Variants in DNAL1 observed in about 807,000 individuals in gnomAD.
DNAL1 encodes chromosome 14 open reading frame 168.
DNAL1 carries 17 observed loss-of-function variants against 29.4 expected under a neutral mutation model. The ratio of observed to expected loss-of-function variants is 0.58; its 90% CI spans 0.40 to 0.87. The LOEUF is 0.87. Ranked by LOEUF, DNAL1 falls within the 40% of genes least tolerant of loss-of-function variation. DNAL1 has a pLI of 0.00. For synonymous variants in DNAL1, 78 were observed against 76.3 expected (o/e 1.02, Z -0.12); for missense variants, 188 against 214.1 (o/e 0.88, Z 0.76).
intron 5 of DNAL1, among the ~76,000 whole-genome samples, chr14:73,681,138 C>CT (rs766619134): frequency 0.023 from 3,272 of 140,126 alleles, 59 homozygotes; most frequent in East Asian, 0.098. Flanking sequence ...TGTTTTTTTG[C>CT]TTTTTTTTTT....
intron 4 of DNAL1, among the ~76,000 whole-genome samples, chr14:73,670,126 A>G (rs115761353): frequency 2.0e-4 from 31 of 152,308 alleles, no homozygotes; most frequent in African/African-American, 7.5e-4. Context: ...CATTTTATAT[A>G]TGGGAAAATA....
At chr14:73,648,695 G>A (rs1221840839) in intron 1 of DNAL1, among the ~76,000 whole-genome samples, 3 of 150,932 alleles carry the variant, frequency 2.0e-5, no homozygotes, top group Admixed American at 1.3e-4. Flanking sequence ...GATTACAAGC[G>A]TGAGCCACCA....
At chr14:73,684,507 A>T (rs1046119589) in intron 5 of DNAL1, among the ~76,000 whole-genome samples, 1 of 152,202 alleles carries the variant, frequency 6.6e-6, no homozygotes, top group Non-Finnish European at 1.5e-5. Flanking sequence ...TATAAATCAC[A>T]TCCCCACAAC....
Position 73,689,517 on chromosome 14 carries a change from T to G in DNAL1, c.532+2T>G. The G allele has an allele frequency of 3.1e-6, 5 of 1,587,764 alleles. No homozygotes were observed. The highest frequency in any genetic ancestry group is 4.3e-6 in the Non-Finnish European group (5 of 1,166,790). On this transcript the variant is annotated splice_donor_variant, in intron 7 of 7. Transcript: ENST00000553645. LOFTEE classifies it high-confidence loss of function. ...TGCCCAAACTGAAAAAGCTGGATGG[T>G]GAGTGATTCTGAGCTGGCTTAGACA...
chr14:73,670,448 G>A (rs1049584972), intron 4 of DNAL1, among the ~76,000 whole-genome samples: 1 of 152,116 alleles, frequency 6.6e-6, no homozygotes, highest in South Asian at 2.1e-4. Context: ...ATAGTAATAA[G>A]CAAAAGTAAT....
At chr14:73,682,864 T>C (rs1891921784) in intron 5 of DNAL1, among the ~76,000 whole-genome samples, 1 of 131,586 alleles carries the variant, frequency 7.6e-6, no homozygotes, top group Admixed American at 9.3e-5. Flanking sequence ...GGCTGTTTTA[T>C]AGTTATTTTT....
chr14:73,691,851 C>CA (rs1892180096), intron 7 of DNAL1, among the ~76,000 whole-genome samples: 2 of 139,714 alleles, frequency 1.4e-5, no homozygotes, highest in Admixed American at 1.5e-4. Flanking sequence ...GCGCCACCCC[C>CA]CCCCCCCAGC....
chr14:73,689,496 C>T lies in DNAL1; in HGVS notation c.513C>T (p.Pro171=). 1.9e-6 allele frequency: 3 copies of T among 1,588,436 alleles called. No homozygotes were observed. Among genetic ancestry groups the T allele is most frequent in the Non-Finnish European group, 2.6e-6 (3 of 1,167,100 alleles). ...TTGAAGAAGCAACCAAGAGAGTGCC[C>T]AAACTGAAAAAGCTGGATGGTGAGT... ...NWIEEATKRV[P]KLKKLDGTPV... Residue 171 remains proline, a synonymous_variant, in exon 7 of 8, where the codon CCC becomes CCT. Coordinates refer to ENST00000553645, the MANE Select transcript of DNAL1 (RefSeq NM_031427.4).
chr14:73,684,583 ATCC>A (rs1247737532), intron 5 of DNAL1, among the ~76,000 whole-genome samples: 1 of 152,134 alleles, frequency 6.6e-6, no homozygotes, highest in Non-Finnish European at 1.5e-5. Context: ...CATCATCATC[ATCC>A]TCATTACATA....
intron 1 of DNAL1, among the ~76,000 whole-genome samples, chr14:73,650,756 G>T (rs746849378): frequency 6.6e-6 from 1 of 152,072 alleles, no homozygotes; most frequent in Non-Finnish European, 1.5e-5. Context: ...GATTACAGGT[G>T]TGAGCCACTG....
chr14:73,693,702 C>G (rs938723809), intron 7 of DNAL1, among the ~76,000 whole-genome samples: 3 of 151,990 alleles, frequency 2.0e-5, no homozygotes, highest in African/African-American at 7.3e-5. Flanking sequence ...TAGAGCAAGA[C>G]CTTGTCTTTA....
intron 5 of DNAL1, among the ~76,000 whole-genome samples, chr14:73,685,897 C>T (rs146387047): frequency 3.0e-3 from 462 of 152,206 alleles, no homozygotes; most frequent in African/African-American, 0.011. Context: ...TGAACATGGG[C>T]GTACCAATAT....
intron 1 of DNAL1, among the ~76,000 whole-genome samples, chr14:73,653,951 TTTA>T (rs1248836806): frequency 2.0e-5 from 3 of 152,210 alleles, no homozygotes; most frequent in South Asian, 2.1e-4. Context: ...TGACAAATAC[TTTA>T]TTGTCATTTA....
At chr14:73,645,645 G>A (rs1229418680) in intron 1 of DNAL1, among the ~76,000 whole-genome samples, 1 of 152,162 alleles carries the variant, frequency 6.6e-6, no homozygotes. Flanking sequence ...GGGGGTTTCA[G>A]GAATGTGCAT....
intron 5 of DNAL1, among the ~76,000 whole-genome samples, chr14:73,685,313 C>T (rs563699623): frequency 7.9e-5 from 12 of 152,188 alleles, no homozygotes; most frequent in African/African-American, 2.4e-4. Flanking sequence ...TTCCACTTTC[C>T]GTCTTTACGA....
chr14:73,648,607 G>C (rs59702683), intron 1 of DNAL1, among the ~76,000 whole-genome samples: 14,712 of 148,986 alleles, frequency 0.099, 783 homozygotes, highest in East Asian at 0.17. Context: ...GTAGAGAGAG[G>C]GTTCTCCATG....
intron 1 of DNAL1, among the ~76,000 whole-genome samples, chr14:73,652,632 G>A (rs1052571030): frequency 6.6e-6 from 1 of 151,970 alleles, no homozygotes; most frequent in African/African-American, 2.4e-5. Context: ...GCTTGCCAGG[G>A]ATTTAAGAAC....
intron 5 of DNAL1, among the ~76,000 whole-genome samples, chr14:73,686,800 A>G (rs1892028388): frequency 6.6e-6 from 1 of 152,204 alleles, no homozygotes; most frequent in Non-Finnish European, 1.5e-5. Context: ...TCTATTATTT[A>G]ATAGTGTGTT....
intron 7 of DNAL1, among the ~76,000 whole-genome samples, chr14:73,693,430 T>C (rs1892223722): frequency 6.6e-6 from 1 of 152,150 alleles, no homozygotes; most frequent in Admixed American, 6.5e-5. Flanking sequence ...TAAATGTTCA[T>C]GAACAATAGA....
Sources: gnomAD v4.1 joint callset for allele counts (sites outside exome capture counted in the v4.1 genomes callset) on GRCh38, gnomAD v4.1.1 for gene constraint, MANE v1.5 for transcripts, NCBI Gene and HGNC (gene_info 2026-07-23, HGNC 2026-07-21) for gene names.